Variants in ATP1A1 observed in about 807,000 individuals in gnomAD.
ATP1A1 encodes the protein sodium/potassium-transporting ATPase subunit alpha-1.
ATP1A1 carries 14 observed loss-of-function variants against 114.8 expected under a neutral mutation model. The observed-to-expected ratio is 0.12, with a 90% CI of 0.08 to 0.19. The LOEUF (loss-of-function observed/expected upper bound fraction) is 0.19. Ranked by LOEUF, ATP1A1 falls within the 10% of genes least tolerant of loss-of-function variation. The probability of loss-of-function intolerance (pLI) is 1.00; values close to 1 mark genes in which losing one functional copy is unlikely to be tolerated. For missense variants in ATP1A1, 524 were observed against 1,290.7 expected (o/e 0.41, Z 9.10); for synonymous variants, 471 against 466.3 (o/e 1.01, Z -0.13).
At chr1:116,377,833 C>T (rs1651471903) in intron 1 of ATP1A1, among the ~76,000 whole-genome samples, 1 of 152,202 alleles carries the variant, frequency 6.6e-6, no homozygotes, top group African/African-American at 2.4e-5. Context: ...TGTTTCCCAT[C>T]CCTGCCAGAG....
At position 116,381,352 on chromosome 1, in the gene ATP1A1, A is replaced by C. The variant is rs1000713653; in HGVS notation, c.13-2662A>C. 6.6e-5 allele frequency among the ~76,000 whole-genome samples: 10 copies of C among 152,206 alleles called. No homozygotes were observed. The highest frequency in any genetic ancestry group is 1.0e-4 in the Non-Finnish European group (7 of 68,034). ...TGCAGCTTTGAGACTGAGGTAATTG[A>C]GACTGATAGGGATTTAAGGATATTT... is the stretch of plus-strand genomic sequence containing the variant. On this transcript the variant is annotated intron_variant, in intron 1 of 22. Coordinates refer to ENST00000295598, the MANE Select transcript of ATP1A1 (RefSeq NM_000701.8). The surrounding 1 kb of genome is among the most constrained non-coding windows in gnomAD (Gnocchi z 5.1).
Position 116,398,122 on chromosome 1 carries a change from G to A in ATP1A1, c.2124+84G>A. Reference sequence around the variant, plus strand: ...CCAGTGGAAACAGAGCAACGGTGATGGATGGATGCATACCTCGCTGTATTA... The same window carrying A: ...CCAGTGGAAACAGAGCAACGGTGATAGATGGATGCATACCTCGCTGTATTA... On this transcript the variant is annotated intron_variant, in intron 15 of 22. Transcript: ENST00000295598. This position sits in a 1 kb window ranked among gnomAD's most constrained non-coding sequence, Gnocchi z 6.1. 6.5e-7 allele frequency: 1 copy of A among 1,543,242 alleles called. No homozygotes were observed. The highest frequency in any genetic ancestry group is 1.2e-5 in the South Asian group (1 of 82,952).
chr1:116,389,415 G>A lies in ATP1A1; in HGVS notation c.755-24G>A. The stretch of plus-strand genomic sequence containing the variant: ...TTCAGGTTAGATACAATTAGGTACA[G>A]TTCTCCCTCCCCTTCTTTTTAAGGC... On this transcript the variant is annotated intron_variant, in intron 7 of 22. Coordinates refer to ENST00000295598, the MANE Select transcript of ATP1A1 (RefSeq NM_000701.8). This position sits in a 1 kb window ranked among gnomAD's most constrained non-coding sequence, Gnocchi z 6.9. 6.2e-7 allele frequency: 1 copy of A among 1,612,812 alleles called. No homozygotes were observed. Among genetic ancestry groups the A allele is most frequent in the South Asian group, 1.1e-5 (1 of 91,054 alleles).
At chr1:116,402,719 C>G (rs1192449947) in intron 21 of ATP1A1, among the ~76,000 whole-genome samples, 1 of 152,254 alleles carries the variant, frequency 6.6e-6, no homozygotes, top group Non-Finnish European at 1.5e-5. Flanking sequence ...CACATCCCTC[C>G]TTCTGTTCCC....
Position 116,401,905 on chromosome 1 carries a change from T to C in ATP1A1, c.2951+250T>C. On this transcript the variant is annotated intron_variant, in intron 21 of 22. Transcript: ENST00000295598. This position sits in a 1 kb window ranked among gnomAD's most constrained non-coding sequence, Gnocchi z 4.7. Reference sequence around the variant, plus strand: ...TAAAGCCACACAGGCTCTAGCTCCATGGAACTGCTCAACAGCGAACTGCAT... The same window carrying C: ...TAAAGCCACACAGGCTCTAGCTCCACGGAACTGCTCAACAGCGAACTGCAT... 1 of 533,472 alleles carries C rather than the reference T, an allele frequency of 1.9e-6. No homozygotes were observed. The highest frequency in any genetic ancestry group is 3.3e-6 in the Non-Finnish European group (1 of 300,456). The allele number at this position is 533,472 out of a possible 1,614,324, so 33.0% of individuals were successfully genotyped here.
intron 1 of ATP1A1, among the ~76,000 whole-genome samples, chr1:116,380,853 G>A (rs983648282): frequency 6.6e-5 from 10 of 151,980 alleles, no homozygotes; most frequent in South Asian, 6.2e-4. Flanking sequence ...TGATGACGCT[G>A]TGCTAAGCTG....
At position 116,393,611 on chromosome 1, in the gene ATP1A1, C is replaced by T; in HGVS notation, c.1548C>T (p.Asp516=). Residue 516 remains aspartate (D), a synonymous_variant, in exon 12 of 23, where the codon GAC becomes GAT. Transcript: ENST00000295598. This position sits in a 1 kb window ranked among gnomAD's most constrained non-coding sequence, Gnocchi z 5.0. ...VMKGAPERIL[D]RCSSILLHGK... ...AGGGCGCCCCAGAAAGGATCCTAGA[C>T]CGTTGCAGCTCTATCCTCCTCCACG... 1 of 1,614,174 alleles carries T rather than the reference C, an allele frequency of 6.2e-7. No individual in the cohort carries two copies. The highest frequency in any genetic ancestry group is 8.5e-7 in the Non-Finnish European group (1 of 1,180,028).
rs1653422476 is a variant in ATP1A1, at chr1:116,400,962, G to A, written c.2674G>A (p.Asp892Asn). Residue 892 changes from aspartate (D) to asparagine (N), a missense_variant, in exon 19 of 23, where the codon GAC becomes AAC. By Grantham distance (23) the Asp-to-Asn change is conservative. Coordinates refer to ENST00000295598, the MANE Select transcript of ATP1A1 (RefSeq NM_000701.8). ...HLLGLRVDWD[D>N]RWINDVEDSY... ...GTTGGGCCTCCGAGTGGACTGGGAT[G>A]ACCGCTGGATCAACGATGTGGAAGA... is the stretch of plus-strand genomic sequence containing the variant. 1 of 1,614,088 alleles carries A rather than the reference G, an allele frequency of 6.2e-7. No individual in the cohort carries two copies. Among genetic ancestry groups the A allele is most frequent in the African/African-American group, 1.3e-5 (1 of 74,916 alleles).
chr1:116,403,904 C>T lies in ATP1A1; in HGVS notation c.2972C>T (p.Ala991Val). The change falls in exon 22 of 23, where the codon GCC (alanine) becomes GTC (valine). Residue 991 changes from alanine to valine, a missense_variant. Coordinates refer to ENST00000295598, the MANE Select transcript of ATP1A1 (RefSeq NM_000701.8). ...TCCAGACCTACCTGGTGGTTCTGTG[C>T]CTTCCCCTACTCTCTTCTCATCTTC... ...YPLKPTWWFC[A>V]FPYSLLIFVY... The T allele has an allele frequency of 6.2e-7, 1 of 1,614,108 alleles. No homozygotes were observed. The highest frequency in any genetic ancestry group is 8.5e-7 in the Non-Finnish European group (1 of 1,179,946).
intron 1 of ATP1A1, chr1:116,373,968 C>A (rs1424558291): frequency 7.3e-7 from 1 of 1,375,638 alleles, no homozygotes; most frequent in Admixed American, 3.2e-5. Context: ...CTCCGCCCTC[C>A]GTGCCCTGAG....
chr1:116,390,925 G>A (rs760338642), intron 10 of ATP1A1, 34 bp downstream of exon 10: 24 of 1,559,578 alleles, frequency 1.5e-5, no homozygotes, highest in African/African-American at 2.7e-5. Flanking sequence ...GAGGGATGTA[G>A]ACAGCACATG....
chr1:116,385,328 A>C lies in ATP1A1; in HGVS notation c.183+486A>C, dbSNP rs544131321. ...TTGGAAATTGTTTTGTACAAAAATTAAAGAAACCTTTTCATAAAATAGGCG... is the reference window on the plus strand; with the variant it reads ...TTGGAAATTGTTTTGTACAAAAATTCAAGAAACCTTTTCATAAAATAGGCG... On this transcript the variant is annotated intron_variant, in intron 3 of 22. Transcript: ENST00000295598. The surrounding 1 kb of genome is among the most constrained non-coding windows in gnomAD (Gnocchi z 4.3). 6.3e-6 allele frequency: 1 copy of C among 159,402 alleles called. No homozygotes were observed. Among genetic ancestry groups the C allele is most frequent in the East Asian group, 1.9e-4 (1 of 5,258 alleles). The allele number at this position is 159,402 out of a possible 1,614,324, so 9.9% of individuals were successfully genotyped here. A position where few individuals can be genotyped will look rare whatever the true frequency, so the allele number is the denominator to read the frequency against.
In ATP1A1 at chr1:116,393,044, G is replaced by C; in HGVS notation, c.1467+56G>C. On this transcript the variant is annotated intron_variant, in intron 11 of 22. Coordinates refer to ENST00000295598, the MANE Select transcript of ATP1A1 (RefSeq NM_000701.8). This position sits in a 1 kb window ranked among gnomAD's most constrained non-coding sequence, Gnocchi z 5.0. Reference sequence around the variant, plus strand: ...AGGGCAAGCTGGGGGACAAAGAGGGGAGGTACATGAGCAGGAAGAGGAAAT... The same window carrying C: ...AGGGCAAGCTGGGGGACAAAGAGGGCAGGTACATGAGCAGGAAGAGGAAAT... The C allele has an allele frequency of 6.3e-7, 1 of 1,598,954 alleles. No individual in the cohort carries two copies. The highest frequency in any genetic ancestry group is 8.5e-7 in the Non-Finnish European group (1 of 1,171,798).
In ATP1A1 at chr1:116,388,595, CT is replaced by C; in HGVS notation, c.502-40del. 6.3e-7 allele frequency: 1 copy of C among 1,594,344 alleles called. No homozygotes were observed. The highest frequency in any genetic ancestry group is 1.1e-5 in the South Asian group (1 of 88,310). ...TTTCTTGTTTTGGACACTACCTTCT[CT>C]TTGTTGGTATACTAACGGTGTAAAT... On this transcript the variant is annotated intron_variant, in intron 5 of 22. Transcript: ENST00000295598. This position sits in a 1 kb window ranked among gnomAD's most constrained non-coding sequence, Gnocchi z 5.6.
At position 116,387,611 on chromosome 1, in the gene ATP1A1, TG is replaced by T; in HGVS notation, c.387+122del. On this transcript the variant is annotated intron_variant, in intron 4 of 22. Transcript: ENST00000295598. The surrounding 1 kb of genome is among the most constrained non-coding windows in gnomAD (Gnocchi z 6.7). ...TAATGGTTATGAACTCATTACTTAATGGTTATGAACAGCTGTTGCCTTCAAG... is the reference window on the plus strand; with the variant it reads ...TAATGGTTATGAACTCATTACTTAATGTTATGAACAGCTGTTGCCTTCAAG... 8.8e-7 allele frequency: 1 copy of T among 1,141,876 alleles called. No individual in the cohort carries two copies. The highest frequency in any genetic ancestry group is 2.5e-5 in the East Asian group (1 of 39,534). The allele number at this position is 1,141,876 out of a possible 1,614,324, so 70.7% of individuals were successfully genotyped here. A position where few individuals can be genotyped will look rare whatever the true frequency, so the allele number is the denominator to read the frequency against.
At position 116,390,539 on chromosome 1, in the gene ATP1A1, T is replaced by TTTG. The variant is rs1249584600; in HGVS notation, c.1222+130_1222+131insGTT. 5 of 1,008,920 alleles carry TTTG rather than the reference T, an allele frequency of 5.0e-6. No homozygotes were observed. The African/African-American group carries it at 8.7e-5, about 18-fold the overall frequency. 62.5% of individuals were successfully genotyped at this position (1,008,920 alleles called of 1,614,324 possible). On this transcript the variant is annotated intron_variant, in intron 9 of 22. Transcript: ENST00000295598. The stretch of plus-strand genomic sequence containing the variant: ...GGCAGCTTTTTCTTTCTTTTTTGTT[T>TTTG]TTTTTTTTTTTATCATTTAGTGAAG...
In ATP1A1 at chr1:116,384,431, G is replaced by A. The variant is rs779114777; in HGVS notation, c.123+307G>A. Among the ~76,000 whole-genome samples the A allele has an allele frequency of 3.9e-5, 6 of 152,138 alleles. No individual in the cohort carries two copies. The highest frequency in any genetic ancestry group is 7.2e-5 in the African/African-American group (3 of 41,432). ...ATTGGGAAATTCAGCCTCTCCAGGC[G>A]ATGGAAGCTTCCATAGACTTAACCT... is the stretch of plus-strand genomic sequence containing the variant. On this transcript the variant is annotated intron_variant, in intron 2 of 22. Coordinates refer to ENST00000295598, the MANE Select transcript of ATP1A1 (RefSeq NM_000701.8). The surrounding 1 kb of genome is among the most constrained non-coding windows in gnomAD (Gnocchi z 5.1).
chr1:116,374,080 G>A, intron 1 of ATP1A1: 1 of 1,426,508 alleles, frequency 7.0e-7, no homozygotes, highest in Non-Finnish European at 9.2e-7. Context: ...CAGCCTCCGG[G>A]TTCGGGGCTC....
At chr1:116,390,933 A>G (rs181180082) in intron 10 of ATP1A1, 42 bp downstream of exon 10, 74 of 1,530,774 alleles carry the variant, frequency 4.8e-5, no homozygotes, top group East Asian at 4.3e-4. Flanking sequence ...TAGACAGCAC[A>G]TGAGAACTGC....
Sources: gnomAD v4.1 joint callset for allele counts (sites outside exome capture counted in the v4.1 genomes callset) on GRCh38, gnomAD v4.1.1 for gene constraint, Gnocchi (gnomAD v3.1) non-coding constraint, MANE v1.5 for transcripts, NCBI Gene and HGNC (gene_info 2026-07-23, HGNC 2026-07-21) for gene names.